Variants in GALNT17 observed in about 807,000 individuals in gnomAD.
The protein encoded by GALNT17 is UDP-GalNAc:polypeptide N-acetylgalactosaminyltransferase-like 3.
A neutral mutation model predicts 63.7 loss-of-function variants in GALNT17; 29 were observed. That is an observed-to-expected ratio of 0.46 (90% CI 0.34 to 0.62). GALNT17 has a LOEUF of 0.62. Among genes scored for constraint, GALNT17 ranks in the 20% least tolerant of loss-of-function variants. The pLI is 0.01. For synonymous variants in GALNT17, 305 were observed against 318.3 expected, an observed-to-expected ratio of 0.96 and a Z score of 0.45; for missense variants, 603 against 799.6, an observed-to-expected ratio of 0.75 and a Z score of 2.97.
At chr7:71,550,542 A>G (rs1789059530) in intron 5 of GALNT17, among the ~76,000 whole-genome samples, 1 of 152,008 alleles carries the variant, frequency 6.6e-6, no homozygotes, top group Non-Finnish European at 1.5e-5. Flanking sequence ...CACTATGCCC[A>G]GCTAATTTTT....
chr7:71,669,212 G>A (rs762718028), intron 7 of GALNT17, among the ~76,000 whole-genome samples: 1 of 152,052 alleles, frequency 6.6e-6, no homozygotes, highest in Non-Finnish European at 1.5e-5. Flanking sequence ...GAATCAAATA[G>A]GTCTCCTTAA....
intron 1 of GALNT17, among the ~76,000 whole-genome samples, chr7:71,297,634 G>A (rs1482544384): frequency 6.6e-6 from 1 of 152,092 alleles, no homozygotes; most frequent in Non-Finnish European, 1.5e-5. Flanking sequence ...ACTTGGATTA[G>A]AATGTTCATA....
chr7:71,657,173 G>C (rs1297346013), intron 6 of GALNT17, among the ~76,000 whole-genome samples: 1 of 152,158 alleles, frequency 6.6e-6, no homozygotes, highest in African/African-American at 2.4e-5. Context: ...CTCACTGTTA[G>C]GGCAGTAGAT....
chr7:71,302,050 A>G (rs1209316415), intron 1 of GALNT17, among the ~76,000 whole-genome samples: 2 of 152,222 alleles, frequency 1.3e-5, no homozygotes, highest in Non-Finnish European at 2.9e-5. Context: ...CTTTGCAGGG[A>G]CATGGATGAA....
intron 2 of GALNT17, among the ~76,000 whole-genome samples, chr7:71,337,763 G>C (rs575036979): frequency 4.8e-4 from 73 of 152,088 alleles, no homozygotes; most frequent in African/African-American, 1.7e-3. Flanking sequence ...AGCTACTCGG[G>C]AGGCTGAGGC....
chr7:71,244,566 C>T (rs193279292), intron 1 of GALNT17, among the ~76,000 whole-genome samples: 3 of 152,272 alleles, frequency 2.0e-5, no homozygotes. Flanking sequence ...ATGCCAACCC[C>T]TTAGGCTTAT....
chr7:71,459,672 T>C (rs1466792289), intron 5 of GALNT17, among the ~76,000 whole-genome samples: 1 of 152,148 alleles, frequency 6.6e-6, no homozygotes, highest in Non-Finnish European at 1.5e-5. Flanking sequence ...TTTGAAATGG[T>C]CCTGCAAAGC....
chr7:71,361,259 A>G lies in GALNT17; in HGVS notation c.422+25526A>G, dbSNP rs536648765. Among the ~76,000 whole-genome samples, 5 of 152,312 alleles carry G rather than the reference A, an allele frequency of 3.3e-5. 1 individual carries two copies. Among genetic ancestry groups the G allele is most frequent in the Admixed American group, 3.3e-4 (5 of 15,284 alleles). On this transcript the variant is annotated intron_variant, in intron 2 of 10. Coordinates refer to ENST00000333538, the MANE Select transcript of GALNT17 (RefSeq NM_022479.3). The stretch of plus-strand genomic sequence containing the variant: ...AACACCTGGGGGGGTGTCAATTGAA[A>G]TACAAAATAAATAAAAAATAAAAAA...
Position 71,665,607 on chromosome 7 carries a change from C to G in GALNT17, c.1266+11C>G. ...AACCTGCCGCTGGAGGTAGGGATCA[C>G]CAGCCTTTCCCCACCACCCCAGTAC... On this transcript the variant is annotated intron_variant, in intron 7 of 10. Coordinates refer to ENST00000333538, the MANE Select transcript of GALNT17 (RefSeq NM_022479.3). The G allele has an allele frequency of 1.2e-6, 2 of 1,610,928 alleles. No homozygotes were observed. The highest frequency in any genetic ancestry group is 1.7e-6 in the Non-Finnish European group (2 of 1,179,000).
Position 71,528,683 on chromosome 7 carries a change from A to G in GALNT17, c.963-42602A>G, listed in dbSNP as rs192229731. ...CATATCCAGTTGGCCCATGAAAGTTACATGACCAAAACGGGTGCACCAAAG... is the reference window on the plus strand; with the variant it reads ...CATATCCAGTTGGCCCATGAAAGTTGCATGACCAAAACGGGTGCACCAAAG... On this transcript the variant is annotated intron_variant, in intron 5 of 10. Transcript: ENST00000333538. 7.2e-3 allele frequency among the ~76,000 whole-genome samples: 1,093 copies of G among 152,336 alleles called. 7 individuals are homozygous for G. The highest frequency in any genetic ancestry group is 0.017 in the Middle Eastern group (5 of 294).
chr7:71,414,758 C>A (rs1040784478), intron 3 of GALNT17, among the ~76,000 whole-genome samples: 2 of 152,200 alleles, frequency 1.3e-5, no homozygotes, highest in Non-Finnish European at 2.9e-5. Flanking sequence ...TCAGAATATT[C>A]TCCCTGAACT....
At chr7:71,498,808 A>G (rs1046242963) in intron 5 of GALNT17, among the ~76,000 whole-genome samples, 1 of 152,224 alleles carries the variant, frequency 6.6e-6, no homozygotes, top group Non-Finnish European at 1.5e-5. Flanking sequence ...CAGAAGCCAG[A>G]TAACTCCATC....
chr7:71,592,402 G>A (rs1287171411), intron 6 of GALNT17, among the ~76,000 whole-genome samples: 1 of 151,850 alleles, frequency 6.6e-6, no homozygotes, highest in Non-Finnish European at 1.5e-5. Context: ...GGCTGAGGCA[G>A]GAGAATCACT....
intron 5 of GALNT17, among the ~76,000 whole-genome samples, chr7:71,453,003 A>G (rs1383487229): frequency 6.6e-6 from 1 of 152,054 alleles, no homozygotes; most frequent in African/African-American, 2.4e-5. Context: ...TCTGCCATCC[A>G]TCATTTTCTC....
In GALNT17 at chr7:71,246,815, C is replaced by T. The variant is rs191496893; in HGVS notation, c.239-88735C>T. On this transcript the variant is annotated intron_variant, in intron 1 of 10. Transcript: ENST00000333538. ...CTGCATTCCAGCCTGGGCGACAGAG[C>T]GAGACTCCGTCTCAAAAAAAAAAAG... is the stretch of plus-strand genomic sequence containing the variant. Among the ~76,000 whole-genome samples, 637 of 143,802 alleles carry T rather than the reference C, an allele frequency of 4.4e-3. 6 individuals are homozygous for T. The highest frequency in any genetic ancestry group is 0.016 in the African/African-American group (601 of 37,984). 94.3% of individuals were successfully genotyped at this position (143,802 alleles called of 152,430 possible). A position where few individuals can be genotyped will look rare whatever the true frequency, so the allele number is the denominator to read the frequency against.
Position 71,388,225 on chromosome 7 carries a change from C to T in GALNT17, c.423-10C>T. 2 of 1,612,342 alleles carry T rather than the reference C, an allele frequency of 1.2e-6. No individual in the cohort carries two copies. The highest frequency in any genetic ancestry group is 1.7e-6 in the Non-Finnish European group (2 of 1,178,886). ...CTCTGACTCTGCATTTCCGATCTCT[C>T]CTTCCCCAGGTGTAAGGAGCTCAAG... is the stretch of plus-strand genomic sequence containing the variant. On this transcript the variant is annotated splice_polypyrimidine_tract_variant and intron_variant, in intron 2 of 10. Transcript: ENST00000333538.
chr7:71,404,699 A>G (rs751342186), intron 3 of GALNT17, among the ~76,000 whole-genome samples: 5 of 152,202 alleles, frequency 3.3e-5, no homozygotes, highest in Non-Finnish European at 5.9e-5. Flanking sequence ...GTATCACCAT[A>G]TATGTGGCTC....
intron 1 of GALNT17, among the ~76,000 whole-genome samples, chr7:71,228,983 A>G (rs750666943): frequency 2.6e-5 from 4 of 151,840 alleles, no homozygotes; most frequent in African/African-American, 4.8e-5. Context: ...CAGTTCCCCT[A>G]TGCCTGGATC....
chr7:71,591,471 G>A (rs1320332288), intron 6 of GALNT17, among the ~76,000 whole-genome samples: 1 of 152,156 alleles, frequency 6.6e-6, no homozygotes, highest in African/African-American at 2.4e-5. Flanking sequence ...CATAGGGACT[G>A]TGATGTGCTC....
Sources: gnomAD v4.1 joint callset for allele counts (sites outside exome capture counted in the v4.1 genomes callset) on GRCh38, gnomAD v4.1.1 for gene constraint, MANE v1.5 for transcripts, NCBI Gene and HGNC (gene_info 2026-07-23, HGNC 2026-07-21) for gene names.